The following CSMD2 variants were observed in gnomAD, a reference collection of about 807,000 sequenced individuals.
CSMD2 encodes CUB and sushi domain-containing protein 2.
CSMD2 carries 130 observed loss-of-function variants against 398.5 expected under a neutral mutation model. The ratio of observed to expected loss-of-function variants is 0.33; its 90% CI spans 0.28 to 0.38. The LOEUF is 0.38. Among genes scored for constraint, CSMD2 ranks in the 10% least tolerant of loss-of-function variants. The pLI is 1.00. For missense variants in CSMD2, 3,829 were observed against 4,764.9 expected (o/e 0.80, Z 5.78); for synonymous variants, 1,828 against 1,908.5 (o/e 0.96, Z 1.10).
intron 5 of CSMD2, among the ~76,000 whole-genome samples, chr1:33,907,728 C>T (rs1643190482): frequency 6.6e-6 from 1 of 152,140 alleles, no homozygotes; most frequent in Admixed American, 6.5e-5. Flanking sequence ...GGTGATTTTG[C>T]CATTTCATCG....
rs781728638 is a variant in CSMD2, at chr1:33,819,851, T to C, written c.1200-14A>G. On this transcript the variant is annotated splice_polypyrimidine_tract_variant and intron_variant, in intron 8 of 70. Coordinates refer to ENST00000373381, the MANE Select transcript of CSMD2 (RefSeq NM_001281956.2). ...CTGGATCCTAACCTGGGAGACAAAG[T>C]GTGTCTGTGAGCTCCATCCCTGGGC... The C allele has an allele frequency of 5.0e-6, 8 of 1,613,688 alleles. 1 individual carries two copies. Among genetic ancestry groups the C allele is most frequent in the Middle Eastern group, 1.6e-4 (1 of 6,076 alleles).
chr1:34,024,945 G>GA (rs1475628533), intron 3 of CSMD2, among the ~76,000 whole-genome samples: 1 of 152,082 alleles, frequency 6.6e-6, no homozygotes, highest in East Asian at 1.9e-4. Flanking sequence ...CTAATTACAG[G>GA]AAAAAACAAA....
At chr1:33,732,777 G>C (rs1220203000) in intron 15 of CSMD2, among the ~76,000 whole-genome samples, 4 of 152,212 alleles carry the variant, frequency 2.6e-5, no homozygotes, top group Non-Finnish European at 4.4e-5. Context: ...AAGGCAAAGA[G>C]GAATAGGGAA....
chr1:33,542,171 C>T (rs1042277551), intron 58 of CSMD2, among the ~76,000 whole-genome samples: 17 of 152,322 alleles, frequency 1.1e-4, no homozygotes, highest in African/African-American at 4.1e-4. Context: ...CCCACAGTGA[C>T]TCACTTTTCC....
intron 3 of CSMD2, among the ~76,000 whole-genome samples, chr1:33,942,349 C>A (rs1426130451): frequency 6.6e-6 from 1 of 152,220 alleles, no homozygotes; most frequent in Non-Finnish European, 1.5e-5. Context: ...CACATGCATT[C>A]TCCTGAGGGA....
intron 3 of CSMD2, among the ~76,000 whole-genome samples, chr1:33,954,201 C>T (rs1172834203): frequency 6.6e-6 from 1 of 152,106 alleles, no homozygotes; most frequent in African/African-American, 2.4e-5. Context: ...CTTGTTTCTA[C>T]AAATGAGGAA....
At chr1:34,143,800 T>C (rs1430691038) in intron 1 of CSMD2, among the ~76,000 whole-genome samples, 6 of 152,204 alleles carry the variant, frequency 3.9e-5, no homozygotes, top group Non-Finnish European at 7.3e-5. Context: ...GGGTCTATTA[T>C]TCAAGTCAAT....
Position 33,724,698 on chromosome 1 carries a change from G to A in CSMD2, c.2702C>T (p.Thr901Ile). Residue 901 changes from threonine (T) to isoleucine (I), a missense_variant, in exon 18 of 71, where the codon ACA becomes ATA. Transcript: ENST00000373381. ...IGFQLRYETITLQSDHCLDPG... is the reference protein window; with the variant it reads ...IGFQLRYETIILQSDHCLDPG... Reference sequence around the variant, plus strand: ...ATCCAGACAGTGGTCTGACTGCAGTGTTATAGCTGAAAGAGAGAGGCCACA... The same window carrying A: ...ATCCAGACAGTGGTCTGACTGCAGTATTATAGCTGAAAGAGAGAGGCCACA... The A allele has an allele frequency of 6.2e-7, 1 of 1,613,852 alleles. No homozygotes were observed. The highest frequency in any genetic ancestry group is 8.5e-7 in the Non-Finnish European group (1 of 1,179,830).
intron 6 of CSMD2, among the ~76,000 whole-genome samples, chr1:33,845,387 C>A (rs1661256336): frequency 6.6e-6 from 1 of 152,186 alleles, no homozygotes; most frequent in African/African-American, 2.4e-5. Flanking sequence ...CTGGTGTGCA[C>A]AGATGTGGAA....
At chr1:33,856,349 A>C (rs1430536338) in intron 5 of CSMD2, among the ~76,000 whole-genome samples, 2 of 152,072 alleles carry the variant, frequency 1.3e-5, no homozygotes, top group African/African-American at 2.4e-5. Flanking sequence ...CAGCCAGTAC[A>C]CCTGGCCATC....
At chr1:33,728,170 T>TG (rs912971565) in intron 15 of CSMD2, among the ~76,000 whole-genome samples, 1 of 152,186 alleles carries the variant, frequency 6.6e-6, no homozygotes, top group Non-Finnish European at 1.5e-5. Flanking sequence ...AAGGAACCTC[T>TG]GCTCCTTTGT....
At chr1:33,740,826 C>T (rs1000529519) in intron 14 of CSMD2, among the ~76,000 whole-genome samples, 10 of 152,280 alleles carry the variant, frequency 6.6e-5, no homozygotes, top group Middle Eastern at 6.8e-3. Flanking sequence ...CACACATACA[C>T]GCGCGCGCGT....
intron 25 of CSMD2, among the ~76,000 whole-genome samples, chr1:33,690,327 C>T (rs1386350485): frequency 6.6e-6 from 1 of 152,176 alleles, no homozygotes; most frequent in East Asian, 1.9e-4. Flanking sequence ...GGCTACCTGG[C>T]AACCTCCTCT....
At chr1:33,746,583 G>T (rs1278341090) in intron 13 of CSMD2, among the ~76,000 whole-genome samples, 3 of 152,162 alleles carry the variant, frequency 2.0e-5, no homozygotes, top group African/African-American at 7.2e-5. Flanking sequence ...ATATATGATA[G>T]CTCTGCTTAT....
In CSMD2 at chr1:33,842,449, C is replaced by G. The variant is rs377675142; in HGVS notation, c.1033+4435G>C. On this transcript the variant is annotated intron_variant, in intron 6 of 70. Transcript: ENST00000373381. ...ACTCATGGAATCAAGCCCAACTCTA[C>G]TGAGACTTTCACAACTTGACCACTA... Among the ~76,000 whole-genome samples the G allele has an allele frequency of 6.6e-5, 10 of 152,304 alleles. No individual in the cohort carries two copies. The East Asian group carries it at 1.9e-3, about 29-fold the overall frequency.
intron 19 of CSMD2, among the ~76,000 whole-genome samples, chr1:33,719,497 T>C (rs551109298): frequency 6.6e-6 from 1 of 152,274 alleles, no homozygotes; most frequent in East Asian, 1.9e-4. Context: ...AATGAAGACA[T>C]TGTTGCAGAA....
At chr1:33,923,223 GGCC>G (rs1212810363) in intron 4 of CSMD2, among the ~76,000 whole-genome samples, 1 of 152,134 alleles carries the variant, frequency 6.6e-6, no homozygotes, top group Non-Finnish European at 1.5e-5. Flanking sequence ...CTGGAGGTGG[GGCC>G]TGGTGGGAGG....
At chr1:33,641,904 A>C (rs187488922) in intron 29 of CSMD2, among the ~76,000 whole-genome samples, 105 of 152,340 alleles carry the variant, frequency 6.9e-4, no homozygotes, top group Admixed American at 1.6e-3. Context: ...TATTTACCGA[A>C]TGAATAAATA....
chr1:33,583,167 G>A (rs1279923449), intron 47 of CSMD2, among the ~76,000 whole-genome samples: 1 of 152,230 alleles, frequency 6.6e-6, no homozygotes, highest in Admixed American at 6.5e-5. Flanking sequence ...ATGTGCTCCA[G>A]AGGGTAAGAG....
Sources: gnomAD v4.1 joint callset for allele counts (sites outside exome capture counted in the v4.1 genomes callset) on GRCh38, gnomAD v4.1.1 for gene constraint, MANE v1.5 for transcripts, NCBI Gene and HGNC (gene_info 2026-07-23, HGNC 2026-07-21) for gene names.